CDK14: variants seen among roughly 807,000 people sequenced by gnomAD.
The protein encoded by CDK14 is cyclin-dependent kinase 14.
A neutral mutation model predicts 60.7 loss-of-function variants in CDK14; 34 were observed. That is an observed-to-expected ratio of 0.56 (90% CI 0.43 to 0.75). The LOEUF is 0.75. CDK14 is among the 30% of genes least tolerant of loss of function. The pLI is 0.00. For synonymous variants in CDK14, 197 were observed against 203.7 expected (o/e 0.97, Z 0.28); for missense variants, 482 against 564.1 (o/e 0.85, Z 1.47).
intron 2 of CDK14, among the ~76,000 whole-genome samples, chr7:90,622,989 A>G (rs1050936079): frequency 1.5e-5 from 2 of 132,576 alleles, no homozygotes; most frequent in African/African-American, 2.8e-5. Context: ...CCGTCCTTCT[A>G]TTTATGACAA....
chr7:91,160,088 C>T (rs535996888), intron 14 of CDK14, among the ~76,000 whole-genome samples: 1 of 152,216 alleles, frequency 6.6e-6, no homozygotes, highest in East Asian at 1.9e-4. Flanking sequence ...GAATGTGATC[C>T]ACTCAGATTG....
At chr7:90,651,506 T>G (rs892508235) in intron 2 of CDK14, among the ~76,000 whole-genome samples, 3 of 152,194 alleles carry the variant, frequency 2.0e-5, no homozygotes, top group African/African-American at 7.2e-5. Context: ...TTTTATTTTT[T>G]TAAGTCTCTT....
At chr7:90,892,427 C>T (rs1336597967) in intron 6 of CDK14, among the ~76,000 whole-genome samples, 1 of 152,198 alleles carries the variant, frequency 6.6e-6, no homozygotes, top group East Asian at 1.9e-4. Flanking sequence ...CAGTATAGTT[C>T]TCAGATCTGC....
At chr7:90,724,554 C>G (rs369973670) in intron 2 of CDK14, among the ~76,000 whole-genome samples, 175 of 151,418 alleles carry the variant, frequency 1.2e-3, no homozygotes, top group African/African-American at 4.1e-3. Context: ...CTTCTTTTCT[C>G]TAGTCATTTA....
At chr7:90,983,583 G>C (rs1055178500) in intron 9 of CDK14, among the ~76,000 whole-genome samples, 4 of 151,616 alleles carry the variant, frequency 2.6e-5, no homozygotes, top group Non-Finnish European at 5.9e-5. Flanking sequence ...GGGAGGCTGA[G>C]ACAGGAGAAT....
At chr7:90,787,230 G>T (rs1411772997) in intron 4 of CDK14, among the ~76,000 whole-genome samples, 1 of 152,116 alleles carries the variant, frequency 6.6e-6, no homozygotes, top group Non-Finnish European at 1.5e-5. Context: ...GCTGATTAGT[G>T]GTCTTTGCTC....
At chr7:91,145,950 A>T (rs1031037773) in intron 14 of CDK14, among the ~76,000 whole-genome samples, 31 of 124,462 alleles carry the variant, frequency 2.5e-4, no homozygotes, top group African/African-American at 8.2e-4. Context: ...TTATTTATTT[A>T]TTTATTTTTT....
intron 5 of CDK14, among the ~76,000 whole-genome samples, chr7:90,824,005 G>T (rs908519076): frequency 1.8e-4 from 27 of 152,128 alleles, no homozygotes; most frequent in Non-Finnish European, 3.4e-4. Flanking sequence ...CAATTTTATG[G>T]CCATATGTTG....
intron 8 of CDK14, among the ~76,000 whole-genome samples, chr7:90,926,312 G>A (rs1793413481): frequency 6.7e-6 from 1 of 150,342 alleles, no homozygotes; most frequent in African/African-American, 2.4e-5. Context: ...AACCCCACGA[G>A]TCTTGAGGAA....
chr7:90,957,307 C>T (rs1366773195), intron 9 of CDK14, among the ~76,000 whole-genome samples: 2 of 152,150 alleles, frequency 1.3e-5, no homozygotes, highest in African/African-American at 4.8e-5. Flanking sequence ...GATTGCGATT[C>T]TAACTGGTGT....
Position 91,118,159 on chromosome 7 carries a change from T to C in CDK14, c.1389T>C (p.Ser463=), listed in dbSNP as rs1422817028. 8.7e-6 allele frequency: 14 copies of C among 1,612,042 alleles called. No individual in the cohort carries two copies. Among genetic ancestry groups the C allele is most frequent in the Non-Finnish European group, 1.2e-5 (14 of 1,178,472 alleles). The part of the protein sequence containing the change: ...AFGKNNSYGK[S]LSNSKH ...GGAAAAACAATAGTTATGGCAAAAGTCTATCAAACAGCAAGCACTGACAAG... is the reference window on the plus strand; with the variant it reads ...GGAAAAACAATAGTTATGGCAAAAGCCTATCAAACAGCAAGCACTGACAAG... Residue 463 remains serine (S), a synonymous_variant, in exon 14 of 15, where the codon AGT becomes AGC. Transcript: ENST00000380050.
intron 10 of CDK14, among the ~76,000 whole-genome samples, chr7:91,034,077 G>A (rs978928380): frequency 6.6e-6 from 1 of 152,114 alleles, no homozygotes; most frequent in Non-Finnish European, 1.5e-5. Context: ...TGTTATCCTC[G>A]ACTTTCTTTA....
intron 5 of CDK14, among the ~76,000 whole-genome samples, chr7:90,835,708 C>G (rs1490806530): frequency 6.6e-6 from 1 of 152,090 alleles, no homozygotes; most frequent in Non-Finnish European, 1.5e-5. Flanking sequence ...TAGTACAGTA[C>G]AGTTTGTGGG....
intron 5 of CDK14, among the ~76,000 whole-genome samples, chr7:90,852,667 G>A (rs950506190): frequency 1.9e-4 from 29 of 152,230 alleles, no homozygotes; most frequent in African/African-American, 5.8e-4. Flanking sequence ...ATTAGCAGCC[G>A]AGCATTACCG....
At chr7:90,627,651 A>G (rs909175642) in intron 2 of CDK14, among the ~76,000 whole-genome samples, 1 of 152,220 alleles carries the variant, frequency 6.6e-6, no homozygotes, top group African/African-American at 2.4e-5. Flanking sequence ...ACACATTTCT[A>G]GAGAGATTTC....
At chr7:90,710,672 CTA>C (rs1802028018) in intron 2 of CDK14, 1 of 451,662 alleles carries the variant, frequency 2.2e-6, no homozygotes, top group Non-Finnish European at 2.9e-6. Context: ...TAATAGTAGA[CTA>C]TTAGCATTTT....
At chr7:90,645,230 C>T (rs905005176) in intron 2 of CDK14, among the ~76,000 whole-genome samples, 4 of 152,044 alleles carry the variant, frequency 2.6e-5, no homozygotes, top group Admixed American at 1.3e-4. Flanking sequence ...CTTGGCCACT[C>T]ATAAATACAT....
chr7:90,852,886 G>T (rs1042841114), intron 5 of CDK14, among the ~76,000 whole-genome samples: 1 of 152,196 alleles, frequency 6.6e-6, no homozygotes, highest in African/African-American at 2.4e-5. Context: ...TGACACTTTG[G>T]GTAACACAGG....
At chr7:90,691,437 C>T (rs1187390341) in intron 2 of CDK14, among the ~76,000 whole-genome samples, 1 of 152,060 alleles carries the variant, frequency 6.6e-6, no homozygotes. Context: ...CATGAGGCTG[C>T]ACAGGAGAAT....
Sources: allele counts gnomAD v4.1 joint callset (sites outside exome capture counted in the v4.1 genomes callset), GRCh38; gene constraint gnomAD v4.1.1; transcripts MANE v1.5; gene names NCBI Gene and HGNC (gene_info 2026-07-23, HGNC 2026-07-21).